The following NEGR1 variants were observed in gnomAD, a reference collection of about 807,000 sequenced individuals.
NEGR1 encodes IgLON family member 4.
In NEGR1, 10 loss-of-function variants were observed where a neutral mutation model predicts 40.9. That is an observed-to-expected ratio of 0.24 (90% CI 0.15 to 0.42). The LOEUF (loss-of-function observed/expected upper bound fraction) is 0.42, where lower values mean the gene tolerates loss of function less well. Ranked by LOEUF, NEGR1 falls within the 10% of genes least tolerant of loss-of-function variation. NEGR1 has a pLI of 1.00. For synonymous variants in NEGR1, 185 were observed against 166.8 expected, an observed-to-expected ratio of 1.11 and a Z score of -0.84; for missense variants, 352 against 438.9, an observed-to-expected ratio of 0.80 and a Z score of 1.77.
At position 71,401,691 on chromosome 1, in the gene NEGR1, C is replaced by A. The variant is rs536757743; in HGVS notation, c.*5755G>T. On this transcript the variant is annotated 3_prime_UTR_variant, in exon 7 of 7. Transcript: ENST00000357731. ...TTTAAAAGTGTGTATGTATTCTGATCTCCATTTCCCCCAAAATTCTGTTGA... is the reference window on the plus strand; with the variant it reads ...TTTAAAAGTGTGTATGTATTCTGATATCCATTTCCCCCAAAATTCTGTTGA... 1 of 152,302 alleles carries A rather than the reference C, an allele frequency of 6.6e-6. No individual in the cohort carries two copies. Among genetic ancestry groups the A allele is most frequent in the South Asian group, 2.1e-4 (1 of 4,832 alleles). The allele number at this position is 152,302 out of a possible 1,614,324, so 9.4% of individuals were successfully genotyped here. A position where few individuals can be genotyped will look rare whatever the true frequency, so the allele number is the denominator to read the frequency against.
intron 4 of NEGR1, among the ~76,000 whole-genome samples, chr1:71,615,169 A>G (rs1650407477): frequency 6.6e-6 from 1 of 152,160 alleles, no homozygotes; most frequent in African/African-American, 2.4e-5. Flanking sequence ...CTTATTACAT[A>G]CTCATATTAC....
At chr1:71,458,770 T>C (rs1477492504) in intron 6 of NEGR1, among the ~76,000 whole-genome samples, 6 of 152,240 alleles carry the variant, frequency 3.9e-5, no homozygotes, top group African/African-American at 1.4e-4. Flanking sequence ...TCTCTGAATG[T>C]TAATCAAATA....
At chr1:71,770,021 A>G (rs1390434348) in intron 3 of NEGR1, among the ~76,000 whole-genome samples, 1 of 152,204 alleles carries the variant, frequency 6.6e-6, no homozygotes, top group African/African-American at 2.4e-5. Flanking sequence ...ACTCGACTGA[A>G]ATCAAAATGC....
chr1:72,104,906 C>G (rs1442451346), intron 1 of NEGR1, among the ~76,000 whole-genome samples: 3 of 152,062 alleles, frequency 2.0e-5, no homozygotes, highest in African/African-American at 7.2e-5. Flanking sequence ...AATGACTGGA[C>G]TTATCAGAGT....
intron 1 of NEGR1, among the ~76,000 whole-genome samples, chr1:72,037,648 T>A (rs1456370960): frequency 6.6e-6 from 1 of 152,128 alleles, no homozygotes; most frequent in East Asian, 1.9e-4. Flanking sequence ...AATTAAATAA[T>A]TTTATATTCA....
chr1:72,204,519 T>C (rs950791116), intron 1 of NEGR1, among the ~76,000 whole-genome samples: 2 of 152,174 alleles, frequency 1.3e-5, no homozygotes, highest in African/African-American at 4.8e-5. Flanking sequence ...AAGTCAAGAA[T>C]GCTGAGCTTT....
intron 2 of NEGR1, among the ~76,000 whole-genome samples, chr1:71,927,615 C>A (rs139080708): frequency 9.3e-4 from 141 of 151,734 alleles, no homozygotes; most frequent in African/African-American, 3.2e-3. Flanking sequence ...TCTCTCTAGA[C>A]CTCAATAATA....
chr1:72,115,106 G>A (rs1649531568), intron 1 of NEGR1, among the ~76,000 whole-genome samples: 1 of 151,724 alleles, frequency 6.6e-6, no homozygotes, highest in Non-Finnish European at 1.5e-5. Flanking sequence ...TAAACTTCCT[G>A]AGTAAGCCTT....
At chr1:71,735,002 G>A (rs905903732) in intron 3 of NEGR1, among the ~76,000 whole-genome samples, 11 of 151,746 alleles carry the variant, frequency 7.2e-5, no homozygotes, top group African/African-American at 1.5e-4. Context: ...CTTTTTACCC[G>A]GAAATCTCTG....
At chr1:72,226,276 G>T (rs535586426) in intron 1 of NEGR1, among the ~76,000 whole-genome samples, 1 of 151,984 alleles carries the variant, frequency 6.6e-6, no homozygotes, top group South Asian at 2.1e-4. Context: ...AATAACACAG[G>T]TCTTTTAAAA....
intron 1 of NEGR1, chr1:72,274,437 A>G: frequency 1.9e-6 from 1 of 530,466 alleles, no homozygotes; most frequent in Non-Finnish European, 3.4e-6. Context: ...CAGATGGCAC[A>G]CAACTGTATG....
At chr1:71,577,846 T>A (rs773526065) in intron 6 of NEGR1, among the ~76,000 whole-genome samples, 79 of 152,230 alleles carry the variant, frequency 5.2e-4, no homozygotes, top group Non-Finnish European at 9.9e-4. Flanking sequence ...AAGATAATAA[T>A]GTTGTCCTTT....
intron 1 of NEGR1, among the ~76,000 whole-genome samples, chr1:72,143,914 AATATATATAT>A (rs61582804): frequency 1.4e-4 from 18 of 130,614 alleles, no homozygotes; most frequent in African/African-American, 3.6e-4. Flanking sequence ...TGATATATAT[AATATATATAT>A]ATATATATAT....
chr1:71,766,666 T>A (rs1041389614), intron 3 of NEGR1, among the ~76,000 whole-genome samples: 3 of 152,218 alleles, frequency 2.0e-5, no homozygotes, highest in Non-Finnish European at 4.4e-5. Flanking sequence ...GCTTCTAGAT[T>A]TTTTTATCTC....
intron 3 of NEGR1, among the ~76,000 whole-genome samples, chr1:71,715,019 T>G (rs2101647282): frequency 6.6e-6 from 1 of 152,362 alleles, no homozygotes; most frequent in Non-Finnish European, 1.5e-5. Context: ...TGCAGTAAAC[T>G]TCTGCCTGGA....
Position 72,165,613 on chromosome 1 carries a change from C to A in NEGR1, c.176+116706G>T, listed in dbSNP as rs75295527. 5.7e-3 allele frequency among the ~76,000 whole-genome samples: 871 copies of A among 152,074 alleles called. 13 individuals carry two copies. The highest frequency in any genetic ancestry group is 0.02 in the African/African-American group (832 of 41,504). ...CCATTGCCATACTCTTTCCTTCTCC[C>A]TTCTCATTCAATCCATCAAGTGCCC... On this transcript the variant is annotated intron_variant, in intron 1 of 6. Coordinates refer to ENST00000357731, the MANE Select transcript of NEGR1 (RefSeq NM_173808.3).
In NEGR1 at chr1:71,456,084, G is replaced by A. The variant is rs1053478487; in HGVS notation, c.941-48514C>T. ...TATATAACCAAAATTTCAAACTATA[G>A]TTAAATTAGATGACTTCCAAGATTT... On this transcript the variant is annotated intron_variant, in intron 6 of 6. Coordinates refer to ENST00000357731, the MANE Select transcript of NEGR1 (RefSeq NM_173808.3). Among the ~76,000 whole-genome samples, 11 of 152,200 alleles carry A rather than the reference G, an allele frequency of 7.2e-5. No homozygotes were observed. In the East Asian group the frequency reaches 1.2e-3, roughly 16 times the overall value.
intron 1 of NEGR1, among the ~76,000 whole-genome samples, chr1:72,234,330 G>A (rs893367159): frequency 6.6e-6 from 1 of 151,920 alleles, no homozygotes; most frequent in Non-Finnish European, 1.5e-5. Context: ...CTTTTTTATG[G>A]CTATATAGTA....
chr1:71,617,779 G>A (rs1650491507), intron 4 of NEGR1, among the ~76,000 whole-genome samples: 1 of 152,166 alleles, frequency 6.6e-6, no homozygotes, highest in Admixed American at 6.5e-5. Context: ...GCTCTGTGAG[G>A]AGATGGACAC....
Sources: allele counts gnomAD v4.1 joint callset (sites outside exome capture counted in the v4.1 genomes callset), GRCh38; gene constraint gnomAD v4.1.1; transcripts MANE v1.5; gene names NCBI Gene and HGNC (gene_info 2026-07-23, HGNC 2026-07-21).